Variants in MACROD2 observed in about 807,000 individuals in gnomAD.
MACROD2 encodes the protein ADP-ribose glycohydrolase MACROD2.
Under a neutral mutation model 70.4 loss-of-function variants are expected in MACROD2, and 36 were observed. The ratio of observed to expected loss-of-function variants is 0.51; its 90% CI spans 0.39 to 0.68. The LOEUF (loss-of-function observed/expected upper bound fraction) is 0.68. Ranked by LOEUF, MACROD2 falls within the 30% of genes least tolerant of loss-of-function variation. The pLI, the probability that MACROD2 is intolerant of heterozygous loss-of-function variation, is 0.00. For synonymous variants in MACROD2, 172 were observed against 178.8 expected (o/e 0.96, Z 0.30); for missense variants, 496 against 538.4 (o/e 0.92, Z 0.78).
At chr20:15,580,280 C>T (rs1399314833) in intron 8 of MACROD2, among the ~76,000 whole-genome samples, 1 of 152,178 alleles carries the variant, frequency 6.6e-6, no homozygotes, top group Admixed American at 6.6e-5. Flanking sequence ...TGGAGTCATT[C>T]TTCTGGCTCT....
intron 5 of MACROD2, among the ~76,000 whole-genome samples, chr20:15,064,303 C>T (rs753866666): frequency 6.6e-6 from 1 of 152,122 alleles, no homozygotes; most frequent in East Asian, 1.9e-4. Flanking sequence ...AAGCTAGAAG[C>T]TGCAAGGCCA....
intron 5 of MACROD2, among the ~76,000 whole-genome samples, chr20:15,084,066 T>TTTGTTG (rs1555780879): frequency 8.8e-5 from 6 of 68,406 alleles, no homozygotes; most frequent in South Asian, 6.9e-4. Context: ...TAGGTTTTTT[T>TTTGTTG]TTTTTGTTTT....
chr20:15,867,306 C>T (rs923005638), intron 9 of MACROD2, among the ~76,000 whole-genome samples: 2 of 152,108 alleles, frequency 1.3e-5, no homozygotes, highest in African/African-American at 4.8e-5. Context: ...CAATTAAGCC[C>T]ATAAAATTGC....
At chr20:15,714,496 G>T (rs898818780) in intron 8 of MACROD2, among the ~76,000 whole-genome samples, 13 of 152,168 alleles carry the variant, frequency 8.5e-5, no homozygotes, top group African/African-American at 2.9e-4. Flanking sequence ...GCTCTTTCCT[G>T]CTAAGAAGAA....
At chr20:15,931,651 A>C (rs1482660699) in intron 10 of MACROD2, among the ~76,000 whole-genome samples, 2 of 150,770 alleles carry the variant, frequency 1.3e-5, no homozygotes, top group African/African-American at 4.8e-5. Flanking sequence ...TCTATTAAAA[A>C]AAAAAAAAGT....
At chr20:14,937,139 G>T (rs1200768389) in intron 5 of MACROD2, among the ~76,000 whole-genome samples, 1 of 152,110 alleles carries the variant, frequency 6.6e-6, no homozygotes, top group East Asian at 1.9e-4. Context: ...AGAGTGTGGA[G>T]GTTGTTTTGG....
chr20:14,999,460 A>T (rs1055610276), intron 5 of MACROD2, among the ~76,000 whole-genome samples: 3 of 152,104 alleles, frequency 2.0e-5, no homozygotes, highest in Non-Finnish European at 4.4e-5. Flanking sequence ...GGAGTTTGAG[A>T]CTAGCCAGAC....
At chr20:14,008,491 G>A (rs1003536289) in intron 2 of MACROD2, among the ~76,000 whole-genome samples, 28 of 151,964 alleles carry the variant, frequency 1.8e-4, no homozygotes, top group African/African-American at 4.1e-4. Context: ...ACAGAGAAAC[G>A]TTCCGTGCTC....
At chr20:14,358,956 G>T (rs1177557534) in intron 3 of MACROD2, among the ~76,000 whole-genome samples, 1 of 152,164 alleles carries the variant, frequency 6.6e-6, no homozygotes, top group African/African-American at 2.4e-5. Flanking sequence ...AGAAGCTGAG[G>T]AGGGAGGATC....
At chr20:14,825,485 A>G (rs979155484) in intron 5 of MACROD2, among the ~76,000 whole-genome samples, 5 of 152,112 alleles carry the variant, frequency 3.3e-5, no homozygotes, top group Admixed American at 2.6e-4. Context: ...GCGTATCCAC[A>G]TATCAAAGCT....
At chr20:14,963,455 C>T (rs191511190) in intron 5 of MACROD2, among the ~76,000 whole-genome samples, 2 of 152,116 alleles carry the variant, frequency 1.3e-5, no homozygotes, top group Non-Finnish European at 2.9e-5. Flanking sequence ...GCCAGAGTCC[C>T]GACCTCCATG....
At chr20:15,956,349 T>C (rs2065976642) in intron 12 of MACROD2, among the ~76,000 whole-genome samples, 1 of 152,176 alleles carries the variant, frequency 6.6e-6, no homozygotes, top group Non-Finnish European at 1.5e-5. Flanking sequence ...GTTTCAGATT[T>C]TTAACAGTAA....
intron 3 of MACROD2, among the ~76,000 whole-genome samples, chr20:14,205,049 T>G (rs539136980): frequency 6.6e-6 from 1 of 152,296 alleles, no homozygotes; most frequent in East Asian, 1.9e-4. Flanking sequence ...CTTAAAAAAC[T>G]GTTTCAGATT....
intron 5 of MACROD2, among the ~76,000 whole-genome samples, chr20:15,073,270 A>AG (rs2075632644): frequency 6.6e-6 from 1 of 152,164 alleles, no homozygotes; most frequent in Non-Finnish European, 1.5e-5. Flanking sequence ...ATATGTCTCC[A>AG]ACTACTATCA....
At chr20:14,293,732 A>C (rs2082404465) in intron 3 of MACROD2, among the ~76,000 whole-genome samples, 1 of 151,854 alleles carries the variant, frequency 6.6e-6, no homozygotes, top group Non-Finnish European at 1.5e-5. Flanking sequence ...ATAGTCCAGC[A>C]AAGAGATCCA....
At chr20:14,780,769 A>G (rs2072290995) in intron 5 of MACROD2, among the ~76,000 whole-genome samples, 1 of 152,104 alleles carries the variant, frequency 6.6e-6, no homozygotes, top group African/African-American at 2.4e-5. Flanking sequence ...TGAGAGTGGT[A>G]TTAGTCAGTC....
At chr20:15,674,410 G>C (rs542600124) in intron 8 of MACROD2, among the ~76,000 whole-genome samples, 1 of 152,028 alleles carries the variant, frequency 6.6e-6, no homozygotes, top group Non-Finnish European at 1.5e-5. Flanking sequence ...GGGTGCGAAG[G>C]CATCTCAACC....
chr20:15,953,001 A>G (rs2065927166), intron 12 of MACROD2, among the ~76,000 whole-genome samples: 1 of 152,166 alleles, frequency 6.6e-6, no homozygotes, highest in Non-Finnish European at 1.5e-5. Context: ...TCTGCTCATG[A>G]TAAACATACA....
chr20:15,693,275 C>T (rs558698150), intron 8 of MACROD2, among the ~76,000 whole-genome samples: 1 of 152,276 alleles, frequency 6.6e-6, no homozygotes, highest in East Asian at 1.9e-4. Context: ...ACAAACACTA[C>T]GCATGAACTC....
Sources: gnomAD v4.1 joint callset for allele counts (sites outside exome capture counted in the v4.1 genomes callset) on GRCh38, gnomAD v4.1.1 for gene constraint, MANE v1.5 for transcripts, NCBI Gene and HGNC (gene_info 2026-07-23, HGNC 2026-07-21) for gene names.